MAGI2: variants seen among roughly 807,000 people sequenced by gnomAD.
MAGI2 encodes membrane-associated guanylate kinase, WW and PDZ domain-containing protein 2.
In MAGI2, 35 loss-of-function variants were observed where a neutral mutation model predicts 133.3. The ratio of observed to expected loss-of-function variants is 0.26; its 90% CI spans 0.20 to 0.35. The LOEUF (loss-of-function observed/expected upper bound fraction) is 0.35, where lower values mean the gene tolerates loss of function less well. Ranked by LOEUF, MAGI2 falls within the 10% of genes least tolerant of loss-of-function variation. The probability of loss-of-function intolerance (pLI) is 1.00; values close to 1 mark genes in which losing one functional copy is unlikely to be tolerated. For synonymous variants in MAGI2, 729 were observed against 710.6 expected (o/e 1.03, Z -0.41); for missense variants, 1,636 against 1,863.4 (o/e 0.88, Z 2.25).
At chr7:78,540,070 G>GA (rs1563143256) in intron 3 of MAGI2, among the ~76,000 whole-genome samples, 3 of 152,196 alleles carry the variant, frequency 2.0e-5, no homozygotes, top group Non-Finnish European at 2.9e-5. Flanking sequence ...CATATAGGGG[G>GA]ATATAAGCTT....
chr7:78,817,813 G>A (rs906991555), intron 2 of MAGI2, among the ~76,000 whole-genome samples: 9 of 151,638 alleles, frequency 5.9e-5, no homozygotes, highest in Admixed American at 2.6e-4. Flanking sequence ...GGGTTCAAGC[G>A]ATTCTCCTGC....
intron 14 of MAGI2, 48 bp from the exon 15 acceptor site, chr7:78,168,156 T>A: frequency 6.7e-7 from 1 of 1,484,210 alleles, no homozygotes. Flanking sequence ...CAATCCTTTT[T>A]CCTTTTTTTT....
intron 1 of MAGI2, among the ~76,000 whole-genome samples, chr7:79,291,581 T>C (rs1222617979): frequency 1.3e-5 from 2 of 152,188 alleles, no homozygotes; most frequent in Non-Finnish European, 2.9e-5. Flanking sequence ...ATACTCATTT[T>C]CCATTTTTAA....
chr7:79,001,552 TTTACCAATAAACAGCCGTGA>T (rs1287061499), intron 2 of MAGI2, among the ~76,000 whole-genome samples: 1 of 152,190 alleles, frequency 6.6e-6, no homozygotes, highest in Admixed American at 6.5e-5. Flanking sequence ...GGACTAGAAC[TTTACCAATAAACAGCCGTGA>T]TTATTTTTTC....
chr7:79,086,655 T>C (rs1429330699), intron 1 of MAGI2, among the ~76,000 whole-genome samples: 1 of 151,878 alleles, frequency 6.6e-6, no homozygotes, highest in Admixed American at 6.6e-5. Flanking sequence ...GAAAATGTGA[T>C]CTCGCTTTCT....
At chr7:79,100,518 A>G (rs1390789585) in intron 1 of MAGI2, among the ~76,000 whole-genome samples, 2 of 151,510 alleles carry the variant, frequency 1.3e-5, no homozygotes, top group African/African-American at 2.4e-5. Context: ...AGCCATTTCT[A>G]TTTTGTAACG....
chr7:78,864,205 A>G (rs1419043823), intron 2 of MAGI2, among the ~76,000 whole-genome samples: 4 of 152,206 alleles, frequency 2.6e-5, no homozygotes, highest in African/African-American at 7.2e-5. Context: ...ATTGCCTGGC[A>G]GGTAATGGGC....
chr7:78,684,787 C>T (rs934211708), intron 2 of MAGI2, among the ~76,000 whole-genome samples: 5 of 152,042 alleles, frequency 3.3e-5, no homozygotes, highest in African/African-American at 9.7e-5. Context: ...ATGATATCCT[C>T]GGCAAAACTA....
chr7:78,309,285 C>T (rs1798494051), intron 9 of MAGI2, among the ~76,000 whole-genome samples: 1 of 152,188 alleles, frequency 6.6e-6, no homozygotes, highest in Non-Finnish European at 1.5e-5. Flanking sequence ...AAGGAATCAA[C>T]CTAGATGCCC....
chr7:78,155,434 C>T (rs565296430), intron 16 of MAGI2, among the ~76,000 whole-genome samples: 1 of 152,138 alleles, frequency 6.6e-6, no homozygotes, highest in African/African-American at 2.4e-5. Context: ...GGCAACATGG[C>T]AAAACCTCGT....
chr7:78,444,559 G>A (rs1346258564), intron 6 of MAGI2, among the ~76,000 whole-genome samples: 1 of 151,986 alleles, frequency 6.6e-6, no homozygotes, highest in Non-Finnish European at 1.5e-5. Context: ...CTAGGATTTA[G>A]ATTCATCAAA....
chr7:78,270,833 G>T (rs1584650163), intron 9 of MAGI2, among the ~76,000 whole-genome samples: 1 of 152,134 alleles, frequency 6.6e-6, no homozygotes, highest in Non-Finnish European at 1.5e-5. Flanking sequence ...TCAACAGAAT[G>T]TCCATTCTTC....
chr7:78,258,140 A>G (rs956751100), intron 9 of MAGI2, among the ~76,000 whole-genome samples: 2 of 152,160 alleles, frequency 1.3e-5, no homozygotes, highest in African/African-American at 4.8e-5. Flanking sequence ...GTCAGATGGA[A>G]CTTCACTTTT....
chr7:78,253,099 C>T (rs749593202), intron 10 of MAGI2: 6 of 152,210 alleles, frequency 3.9e-5, no homozygotes, highest in Admixed American at 2.0e-4. Context: ...AAAACATAAG[C>T]AACACAAACA....
intron 1 of MAGI2, among the ~76,000 whole-genome samples, chr7:79,245,741 G>C (rs761086167): frequency 3.2e-4 from 48 of 152,188 alleles, no homozygotes; most frequent in Non-Finnish European, 1.0e-4. Flanking sequence ...AGCCTGTCAG[G>C]CTTCACTATC....
At position 78,343,974 on chromosome 7, in the gene MAGI2, T is replaced by C; in HGVS notation, c.1226-14A>G. Reference sequence around the variant, plus strand: ...AGAGTGGTTTTTCTACATTGGCCAATATAAGTTAAAAAAGAAAAAGGCATG... The same window carrying C: ...AGAGTGGTTTTTCTACATTGGCCAACATAAGTTAAAAAAGAAAAAGGCATG... On this transcript the variant is annotated splice_polypyrimidine_tract_variant and intron_variant, in intron 8 of 21. Transcript: ENST00000354212. 6.3e-7 allele frequency: 1 copy of C among 1,594,506 alleles called. No individual in the cohort carries two copies. Among genetic ancestry groups the C allele is most frequent in the Non-Finnish European group, 8.5e-7 (1 of 1,171,514 alleles).
intron 1 of MAGI2, among the ~76,000 whole-genome samples, chr7:79,166,336 A>G (rs1354037914): frequency 2.0e-5 from 3 of 152,118 alleles, no homozygotes; most frequent in Non-Finnish European, 4.4e-5. Context: ...GAAAACTGTC[A>G]GGGAACACGA....
chr7:78,228,005 C>T (rs1377157373), intron 10 of MAGI2, among the ~76,000 whole-genome samples: 1 of 152,170 alleles, frequency 6.6e-6, no homozygotes, highest in Non-Finnish European at 1.5e-5. Flanking sequence ...ATCTCTGTTG[C>T]AACTACTCAA....
At chr7:78,443,973 G>T (rs1248129249) in intron 6 of MAGI2, among the ~76,000 whole-genome samples, 1 of 152,052 alleles carries the variant, frequency 6.6e-6, no homozygotes, top group East Asian at 1.9e-4. Flanking sequence ...CTTATCACAT[G>T]GAGGTGTTGT....
Sources: gnomAD v4.1 joint callset for allele counts (sites outside exome capture counted in the v4.1 genomes callset) on GRCh38, gnomAD v4.1.1 for gene constraint, MANE v1.5 for transcripts, NCBI Gene and HGNC (gene_info 2026-07-23, HGNC 2026-07-21) for gene names.